MYOM2: variants seen among roughly 807,000 people sequenced by gnomAD.
The protein encoded by MYOM2 is myomesin-2.
MYOM2 carries 254 observed loss-of-function variants against 187.6 expected under a neutral mutation model. The observed-to-expected ratio is 1.35, with a 90% CI of 1.22 to 1.50. The LOEUF (loss-of-function observed/expected upper bound fraction) is 1.50, where lower values mean the gene tolerates loss of function less well. Ranked by LOEUF, MYOM2 falls within the 40% of genes most tolerant of loss-of-function variation. The probability of loss-of-function intolerance (pLI) is 0.00; values close to 1 mark genes in which losing one functional copy is unlikely to be tolerated. For synonymous variants in MYOM2, 981 were observed against 753.8 expected, an observed-to-expected ratio of 1.30 and a Z score of -4.94; for missense variants, 2,796 against 1,924.0, an observed-to-expected ratio of 1.45 and a Z score of -8.48.
chr8:2,086,396 TGTGATCTCTGC>T (rs1796058926), intron 14 of MYOM2, among the ~76,000 whole-genome samples: 1 of 5,976 alleles, frequency 1.7e-4, no homozygotes, highest in African/African-American at 7.6e-4. Context: ...CTCCCACTGT[TGTGATCTCTGC>T]GTGGCCTCCC....
At chr8:2,057,861 C>T (rs529235400) in intron 5 of MYOM2, 81 bp downstream of exon 5, 232 of 1,486,348 alleles carry the variant, frequency 1.6e-4, no homozygotes, top group Non-Finnish European at 1.9e-4. Context: ...GAGACAAACG[C>T]CATTGAACCT....
chr8:2,120,356 C>A (rs1384770578), intron 28 of MYOM2, among the ~76,000 whole-genome samples: 2 of 151,942 alleles, frequency 1.3e-5, no homozygotes, highest in East Asian at 3.9e-4. Flanking sequence ...TTGGTGATCT[C>A]CACTTGGCCA....
In MYOM2 at chr8:2,106,332, C is replaced by A; in HGVS notation, c.2825C>A (p.Thr942Asn). ...GAAATGACAGACGCGTCTCAGTTCA[C>A]CTGGTGTAAATCCTACGAGGAGATT... is the stretch of plus-strand genomic sequence containing the variant. ...CQEMTDASQFTWCKSYEEISD... is the reference protein window; with the variant it reads ...CQEMTDASQFNWCKSYEEISD... The change falls in exon 22 of 37, where the codon ACC (threonine) becomes AAC (asparagine). Residue 942 changes from threonine to asparagine, a missense_variant. Coordinates refer to ENST00000262113, the MANE Select transcript of MYOM2 (RefSeq NM_003970.4). 1 of 1,614,152 alleles carries A rather than the reference C, an allele frequency of 6.2e-7. No homozygotes were observed. The highest frequency in any genetic ancestry group is 1.1e-5 in the South Asian group (1 of 91,082).
At position 2,140,761 on chromosome 8, in the gene MYOM2, G is replaced by C. The variant is rs780703908; in HGVS notation, c.3839G>C (p.Gly1280Ala). ...KISSSEHMRI[G>A]GSEEMAWLQI... ...TCATCCAGTGAGCATATGAGAATCG[G>C]GGGGAGTGAAGAGATGGCTTGGCTG... is the stretch of plus-strand genomic sequence containing the variant. The change falls in exon 33 of 37, where the codon GGG (glycine) becomes GCG (alanine). Residue 1280 changes from glycine (G) to alanine (A), a missense_variant. By Grantham distance (60) the Gly-to-Ala change is moderately conservative. Coordinates refer to ENST00000262113, the MANE Select transcript of MYOM2 (RefSeq NM_003970.4). The C allele has an allele frequency of 1.2e-6, 2 of 1,614,130 alleles. No individual in the cohort carries two copies.
At position 2,079,624 on chromosome 8, in the gene MYOM2, C is replaced by A; in HGVS notation, c.1516+11C>A. ...AGGATGACCTTGAAGGTAAGTAGCACCTCATCACCCCAGCTGCTCAGCCCC... is the reference window on the plus strand; with the variant it reads ...AGGATGACCTTGAAGGTAAGTAGCAACTCATCACCCCAGCTGCTCAGCCCC... On this transcript the variant is annotated intron_variant, in intron 13 of 36. Coordinates refer to ENST00000262113, the MANE Select transcript of MYOM2 (RefSeq NM_003970.4). The A allele has an allele frequency of 6.2e-7, 1 of 1,613,534 alleles. No homozygotes were observed.
chr8:2,125,038 T>A (rs1187991214), intron 31 of MYOM2, among the ~76,000 whole-genome samples: 1 of 152,200 alleles, frequency 6.6e-6, no homozygotes, highest in African/African-American at 2.4e-5. Flanking sequence ...CCATGGGTTC[T>A]TTCTTCCTTT....
rs1191310798 is a variant in MYOM2, at chr8:2,093,456, G to A, written c.2004-514G>A. Among the ~76,000 whole-genome samples, 3 of 152,184 alleles carry A rather than the reference G, an allele frequency of 2.0e-5. No individual in the cohort carries two copies. In the East Asian group the frequency reaches 5.8e-4, roughly 29 times the overall value. ...AGTTTTCCATGTAGTGCCTGCAATA[G>A]TGCTGTGGGGTGGGAATTATCATCC... On this transcript the variant is annotated intron_variant, in intron 16 of 36. Coordinates refer to ENST00000262113, the MANE Select transcript of MYOM2 (RefSeq NM_003970.4).
intron 32 of MYOM2, among the ~76,000 whole-genome samples, chr8:2,130,306 A>C (rs1049030161): frequency 7.9e-5 from 11 of 139,938 alleles, no homozygotes; most frequent in Non-Finnish European, 1.5e-4. Flanking sequence ...CCCCGCCTTT[A>C]GTTAACGCCC....
Position 2,085,486 on chromosome 8 carries a change from TGGCCCCTCACTGTTGTGATCTCC to T in MYOM2, c.1644+98_1644+120del, listed in dbSNP as rs1819799730. 450 of 1,425,596 alleles carry T rather than the reference TGGCCCCTCACTGTTGTGATCTCC, an allele frequency of 3.2e-4. 78 individuals carry two copies. In the South Asian group the frequency reaches 3.3e-3, roughly 10 times the overall value. 88.3% of individuals were successfully genotyped at this position (1,425,596 alleles called of 1,614,324 possible). On this transcript the variant is annotated intron_variant, in intron 14 of 36. Coordinates refer to ENST00000262113, the MANE Select transcript of MYOM2 (RefSeq NM_003970.4). ...GCCCACCGCTGTCGTGATCTCCGCG[TGGCCCCTCACTGTTGTGATCTCC>T]GCGTGGCCCCCCACTGTTGTGATCT...
intron 20 of MYOM2, chr8:2,102,358 T>A (rs549143585): frequency 3.7e-6 from 1 of 268,750 alleles, no homozygotes; most frequent in South Asian, 9.8e-5. Context: ...TTCCACAGAA[T>A]TATGTTAAAT....
At chr8:2,092,274 G>A (rs1321179799) in intron 15 of MYOM2, 72 bp from the exon 16 acceptor site, 2 of 1,530,430 alleles carry the variant, frequency 1.3e-6, no homozygotes, top group Admixed American at 1.8e-5. Context: ...TGTGAAAAGG[G>A]CCGGAAGATC....
intron 32 of MYOM2, among the ~76,000 whole-genome samples, chr8:2,140,202 AG>A (rs1798224896): frequency 6.6e-6 from 1 of 152,152 alleles, no homozygotes; most frequent in South Asian, 2.1e-4. Context: ...AAATGTCCTC[AG>A]GGTTCATGCA....
intron 3 of MYOM2, among the ~76,000 whole-genome samples, chr8:2,056,458 C>T (rs4875926): frequency 0.75 from 114,474 of 151,988 alleles, 43,539 homozygotes; most frequent in East Asian, 0.97. Context: ...CAGGCCTGGC[C>T]GTGTTGGGGT....
intron 21 of MYOM2, among the ~76,000 whole-genome samples, 173 bp from the exon 22 acceptor site, chr8:2,106,069 T>C (rs1443804290): frequency 6.6e-6 from 1 of 152,164 alleles, no homozygotes; most frequent in Non-Finnish European, 1.5e-5. Context: ...GAGGACAGCA[T>C]GGGGGAAACC....
rs768184978 is a variant in MYOM2, at chr8:2,124,207, TAG to T, written c.3687_3688del (p.Arg1229SerfsTer41). On this transcript the variant is annotated frameshift_variant, in exon 31 of 37. Coordinates refer to ENST00000262113, the MANE Select transcript of MYOM2 (RefSeq NM_003970.4). LOFTEE classifies it high-confidence loss of function. ...VYDDMILAMS[R>X]VCGKSASPLK... ...ATGATGATATGATTTTGGCAATGAG[TAG>T]AGTCTGTGGTAAGTAAATGCCTTTT... 21 of 1,612,628 alleles carry T rather than the reference TAG, an allele frequency of 1.3e-5. No individual in the cohort carries two copies. The highest frequency in any genetic ancestry group is 2.5e-6 in the Non-Finnish European group (3 of 1,179,184).
chr8:2,047,230 C>T (rs774317187), intron 1 of MYOM2, among the ~76,000 whole-genome samples: 4 of 152,162 alleles, frequency 2.6e-5, no homozygotes, highest in Admixed American at 6.5e-5. Context: ...GCACCCAGCA[C>T]GTGCTGAGTC....
chr8:2,113,075 C>A lies in MYOM2; in HGVS notation c.3181-2885C>A, dbSNP rs147259407. The stretch of plus-strand genomic sequence containing the variant: ...ATCGATCCGACAGGTAGATGCAGAT[C>A]TGCAGAAAATATTGACAGCAGCTGA... On this transcript the variant is annotated intron_variant, in intron 25 of 36. Coordinates refer to ENST00000262113, the MANE Select transcript of MYOM2 (RefSeq NM_003970.4). Among the ~76,000 whole-genome samples, 35 of 152,352 alleles carry A rather than the reference C, an allele frequency of 2.3e-4. No individual in the cohort carries two copies. In the East Asian group the frequency reaches 5.4e-3, roughly 24 times the overall value.
At chr8:2,124,473 C>G (rs1797567005) in intron 31 of MYOM2, among the ~76,000 whole-genome samples, 1 of 152,184 alleles carries the variant, frequency 6.6e-6, no homozygotes, top group African/African-American at 2.4e-5. Context: ...TTCTTCCATC[C>G]TGTCTTAGGT....
At chr8:2,087,094 C>G (rs1294913506) in intron 14 of MYOM2, among the ~76,000 whole-genome samples, 1 of 152,224 alleles carries the variant, frequency 6.6e-6, no homozygotes, top group Non-Finnish European at 1.5e-5. Flanking sequence ...ATTAAAGGCA[C>G]AGGTTGTGAC....
Sources: gnomAD v4.1 joint callset for allele counts (sites outside exome capture counted in the v4.1 genomes callset) on GRCh38, gnomAD v4.1.1 for gene constraint, MANE v1.5 for transcripts, NCBI Gene and HGNC (gene_info 2026-07-23, HGNC 2026-07-21) for gene names.